Variants in NMUR2 observed in about 807,000 individuals in gnomAD.
The protein encoded by NMUR2 is neuromedin-U receptor 2.
In NMUR2, 24 loss-of-function variants were observed where a neutral mutation model predicts 25.1. The ratio of observed to expected loss-of-function variants is 0.96; its 90% CI spans 0.69 to 1.34. The LOEUF is 1.34. NMUR2 is among the 40% of genes most tolerant of loss of function. The pLI is 0.00. For missense variants in NMUR2, 533 were observed against 512.8 expected (o/e 1.04, Z -0.38); for synonymous variants, 218 against 208.1 (o/e 1.05, Z -0.41).
At chr5:152,402,505 T>C (rs1753274453) in intron 1 of NMUR2, among the ~76,000 whole-genome samples, 1 of 152,170 alleles carries the variant, frequency 6.6e-6, no homozygotes, top group Non-Finnish European at 1.5e-5. Flanking sequence ...AGGGTGGTTT[T>C]TAAACTTTTG....
intron 1 of NMUR2, among the ~76,000 whole-genome samples, chr5:152,401,243 C>A (rs17448739): frequency 0.15 from 22,855 of 152,148 alleles, 2,137 homozygotes; most frequent in Admixed American, 0.24. Context: ...AGGAGGAGTG[C>A]AAATTTGTGA....
chr5:152,401,957 C>T (rs1753261838), intron 1 of NMUR2, among the ~76,000 whole-genome samples: 2 of 152,098 alleles, frequency 1.3e-5, no homozygotes, highest in Non-Finnish European at 2.9e-5. Flanking sequence ...GCTTGGGTCT[C>T]CTTGAGATGA....
At chr5:152,401,054 C>A (rs901886729) in intron 1 of NMUR2, among the ~76,000 whole-genome samples, 4 of 152,156 alleles carry the variant, frequency 2.6e-5, no homozygotes, top group African/African-American at 9.7e-5. Context: ...ATTGTTCCAA[C>A]AGAATTTGGA....
At position 152,404,856 on chromosome 5, in the gene NMUR2, G is replaced by A; in HGVS notation, c.258C>T (p.Ser86=). 1.2e-6 allele frequency: 2 copies of A among 1,614,090 alleles called. No homozygotes were observed. The highest frequency in any genetic ancestry group is 1.7e-6 in the Non-Finnish European group (2 of 1,180,022). The part of the protein sequence containing the change: ...MKTPTNYYLF[S]LAVSDLLVLL... The stretch of plus-strand genomic sequence containing the variant: ...GGACCAGGAGGTCAGAGACCGCCAG[G>A]CTGAAGAGGTAGTAGTTGGTGGGCG... The change falls in exon 1 of 4, where the codon AGC becomes AGT. Residue 86 remains serine, a synonymous_variant. Transcript: ENST00000255262.
chr5:152,397,483 C>A (rs532189129), intron 2 of NMUR2, among the ~76,000 whole-genome samples: 33 of 152,132 alleles, frequency 2.2e-4, no homozygotes, highest in African/African-American at 7.7e-4. Flanking sequence ...AGATGCTTGC[C>A]AGATGTTCTT....
chr5:152,397,153 C>T (rs1370770973), intron 2 of NMUR2, among the ~76,000 whole-genome samples: 2 of 151,412 alleles, frequency 1.3e-5, no homozygotes, highest in Admixed American at 6.6e-5. Flanking sequence ...CTCTTAGAAT[C>T]GAGAAGACCC....
rs774398147 is a variant in NMUR2, at chr5:152,392,302, A to G, written c.1137T>C (p.Gly379=). The G allele has an allele frequency of 1.9e-6, 3 of 1,613,788 alleles. No individual in the cohort carries two copies. The highest frequency in any genetic ancestry group is 2.5e-6 in the Non-Finnish European group (3 of 1,179,902). ...CHFVELTEDI[G]PQFPCQSSMH... ...TGGATGACTGACATGGGAATTGGGGACCTATATCTTCGGTCAGCTCCACAA... is the reference window on the plus strand; with the variant it reads ...TGGATGACTGACATGGGAATTGGGGGCCTATATCTTCGGTCAGCTCCACAA... The change falls in exon 4 of 4, where the codon GGT becomes GGC. Residue 379 remains glycine, a synonymous_variant. Coordinates refer to ENST00000255262, the MANE Select transcript of NMUR2 (RefSeq NM_020167.5).
chr5:152,402,580 A>G (rs1187843670), intron 1 of NMUR2, among the ~76,000 whole-genome samples: 1 of 152,172 alleles, frequency 6.6e-6, no homozygotes, highest in African/African-American at 2.4e-5. Flanking sequence ...AACACAATGA[A>G]ACTGATTGTA....
intron 1 of NMUR2, among the ~76,000 whole-genome samples, chr5:152,398,736 GTTTA>G (rs1203172501): frequency 2.6e-5 from 4 of 152,124 alleles, no homozygotes; most frequent in Non-Finnish European, 5.9e-5. Context: ...GGGAGATAGT[GTTTA>G]TTTGAGTAAA....
Position 152,404,684 on chromosome 5 carries a change from G to A in NMUR2, c.430C>T (p.Arg144Cys). The A allele has an allele frequency of 1.2e-6, 2 of 1,614,116 alleles. No individual in the cohort carries two copies. The highest frequency in any genetic ancestry group is 1.7e-6 in the Non-Finnish European group (2 of 1,180,020). ...AACGGGTGTAGGATGGCCACGTAGC[G>A]CTCCACGCTGACGGTGGTGATGCTG... ...ILSITTVSVE[R>C]YVAILHPFRA... Residue 144 changes from arginine to cysteine, a missense_variant, in exon 1 of 4, where the codon CGC becomes TGC. By Grantham distance (180) the Arg-to-Cys change is radical. Transcript: ENST00000255262.
intron 1 of NMUR2, 99 bp downstream of exon 1, chr5:152,404,289 C>A: frequency 1.4e-6 from 2 of 1,403,908 alleles, no homozygotes; most frequent in Non-Finnish European, 1.9e-6. Flanking sequence ...CTGTTCCCTT[C>A]CATTTCTGAA....
At chr5:152,394,889 T>C (rs991366042) in intron 3 of NMUR2, among the ~76,000 whole-genome samples, 42 of 147,620 alleles carry the variant, frequency 2.8e-4, no homozygotes, top group African/African-American at 9.1e-4. Context: ...GAGGAAACTT[T>C]GGTGTGAAGG....
chr5:152,397,898 A>G (rs1277668336), intron 2 of NMUR2, among the ~76,000 whole-genome samples, 162 bp downstream of exon 2: 2 of 152,162 alleles, frequency 1.3e-5, no homozygotes, highest in African/African-American at 4.8e-5. Context: ...AGGTGTCTTC[A>G]TTATATATCT....
At chr5:152,393,457 G>A (rs541714194) in intron 3 of NMUR2, among the ~76,000 whole-genome samples, 1 of 152,250 alleles carries the variant, frequency 6.6e-6, no homozygotes, top group East Asian at 1.9e-4. Context: ...AATAAACATG[G>A]AAGAATGTTA....
Position 152,398,070 on chromosome 5 carries a change from G to A in NMUR2, c.801C>T (p.Asn267=). Residue 267 remains asparagine, a synonymous_variant, in exon 2 of 4, where the codon AAC becomes AAT. Transcript: ENST00000255262. ...AAATGGGGCACTTACACAGCATCTT[G>A]TTGACTGATTTTCTGCAGGGTCTTT... ...NIQRPCRKSV[N]KMLFVLVLVF... 6.2e-7 allele frequency: 1 copy of A among 1,612,692 alleles called. No homozygotes were observed.
chr5:152,398,269 A>G, intron 1 of NMUR2, 125 bp from the exon 2 acceptor site: 1 of 660,752 alleles, frequency 1.5e-6, no homozygotes, highest in East Asian at 2.7e-5. Flanking sequence ...AGAGAAATGT[A>G]AGACTACGTC....
rs755930766 is a variant in NMUR2 at position 152,404,420 on chromosome 5, T to C, written c.694A>G (p.Ile232Val). The C allele has an allele frequency of 1.9e-6, 3 of 1,613,926 alleles. No homozygotes were observed. Among genetic ancestry groups the C allele is most frequent in the East Asian group, 2.2e-5 (1 of 44,868 alleles). Residue 232 changes from isoleucine (I) to valine (V), a missense_variant, in exon 1 of 4, where the codon ATC (isoleucine) becomes GTC (valine). By Grantham distance (29) the Ile-to-Val change is conservative (BLOSUM62 3). Transcript: ENST00000255262. ...FLFYLLPMTV[I>V]SVLYYLMALR... is the part of the protein sequence containing the mutation. ...GCCATGAGGTAGTAGAGGACACTGATGACAGTCATGGGGAGGAGGTAGAAT... is the reference window on the plus strand; with the variant it reads ...GCCATGAGGTAGTAGAGGACACTGACGACAGTCATGGGGAGGAGGTAGAAT...
chr5:152,395,667 C>T, intron 2 of NMUR2, 83 bp from the exon 3 acceptor site: 1 of 1,493,182 alleles, frequency 6.7e-7, no homozygotes, highest in Non-Finnish European at 9.0e-7. Context: ...TCAATCATTT[C>T]TTCTGGCAGT....
chr5:152,397,286 T>A (rs879806634), intron 2 of NMUR2, among the ~76,000 whole-genome samples: 2 of 152,142 alleles, frequency 1.3e-5, no homozygotes, highest in Non-Finnish European at 2.9e-5. Context: ...ATTTGCAAAA[T>A]GTATTATAAA....
Sources: gnomAD v4.1 joint callset for allele counts (sites outside exome capture counted in the v4.1 genomes callset) on GRCh38, gnomAD v4.1.1 for gene constraint, MANE v1.5 for transcripts, NCBI Gene and HGNC (gene_info 2026-07-23, HGNC 2026-07-21) for gene names.